The following COL24A1 variants were observed in gnomAD, a reference collection of about 807,000 sequenced individuals.
COL24A1 encodes the protein collagen type XXIV alpha 1 chain.
In COL24A1, 224 loss-of-function variants were observed where a neutral mutation model predicts 253.9. That is an observed-to-expected ratio of 0.88 (90% CI 0.79 to 0.99). The LOEUF (loss-of-function observed/expected upper bound fraction) is 0.99. Among genes scored for constraint, COL24A1 ranks in the 50% least tolerant of loss-of-function variants. The probability of loss-of-function intolerance (pLI) is 0.00; values close to 1 mark genes in which losing one functional copy is unlikely to be tolerated. For missense variants in COL24A1, 2,131 were observed against 2,068.5 expected (o/e 1.03, Z -0.59); for synonymous variants, 685 against 673.7 (o/e 1.02, Z -0.26).
chr1:86,098,508 A>G (rs781290878), intron 5 of COL24A1, among the ~76,000 whole-genome samples: 1 of 152,176 alleles, frequency 6.6e-6, no homozygotes, highest in African/African-American at 2.4e-5. Context: ...TTGAACATAA[A>G]TATCAGCTGC....
intron 43 of COL24A1, among the ~76,000 whole-genome samples, chr1:85,828,340 C>T (rs1054766705): frequency 6.6e-5 from 10 of 151,276 alleles, no homozygotes; most frequent in Non-Finnish European, 1.5e-4. Context: ...GCTTTACTTC[C>T]AAGTATGTGG....
chr1:86,027,536 T>A (rs1698150784), intron 14 of COL24A1, among the ~76,000 whole-genome samples: 1 of 152,150 alleles, frequency 6.6e-6, no homozygotes, highest in South Asian at 2.1e-4. Context: ...ACACATGGTG[T>A]TGAGCCTGCA....
intron 12 of COL24A1, among the ~76,000 whole-genome samples, chr1:86,034,633 C>A (rs544217438): frequency 6.6e-6 from 1 of 151,952 alleles, no homozygotes; most frequent in Non-Finnish European, 1.5e-5. Context: ...ATTAAGGAAA[C>A]GAATAATACA....
intron 53 of COL24A1, among the ~76,000 whole-genome samples, chr1:85,775,086 G>A (rs1239412314): frequency 6.6e-6 from 1 of 152,090 alleles, no homozygotes; most frequent in Non-Finnish European, 1.5e-5. Flanking sequence ...GTTCTCATTG[G>A]TTTCAAAGAA....
intron 47 of COL24A1, among the ~76,000 whole-genome samples, chr1:85,797,015 A>G (rs909697928): frequency 6.6e-6 from 1 of 151,360 alleles, no homozygotes; most frequent in African/African-American, 2.4e-5. Context: ...CCTGGGTAAC[A>G]TGGTGAAACC....
chr1:86,115,524 T>C (rs1025566265), intron 3 of COL24A1, 146 bp from the exon 4 acceptor site: 1 of 697,958 alleles, frequency 1.4e-6, no homozygotes, highest in Admixed American at 2.7e-5. Context: ...ACGAACCCCC[T>C]TACCCTAATC....
intron 8 of COL24A1, among the ~76,000 whole-genome samples, chr1:86,060,765 T>A (rs1394504445): frequency 6.6e-6 from 1 of 152,060 alleles, no homozygotes; most frequent in African/African-American, 2.4e-5. Flanking sequence ...CTGAAGAGAA[T>A]GTGAATAAAC....
intron 12 of COL24A1, among the ~76,000 whole-genome samples, chr1:86,035,779 T>C (rs1326109780): frequency 6.6e-6 from 1 of 152,132 alleles, no homozygotes; most frequent in Non-Finnish European, 1.5e-5. Flanking sequence ...AGGAGTGGGA[T>C]TGCTGAAAAA....
At position 86,142,527 on chromosome 1, in the gene COL24A1, AAAAAAAC is replaced by A. The variant is rs1187004603; in HGVS notation, c.121+3585_121+3591del. ...GACAGAGTGAGACACTGCCTCAAAAAAAAAAACAAAAAACAAAAAACAAAAAAAACAA... is the reference window on the plus strand; with the variant it reads ...GACAGAGTGAGACACTGCCTCAAAAAAAAAAACAAAAAACAAAAAAAACAA... On this transcript the variant is annotated intron_variant, in intron 2 of 59. Transcript: ENST00000370571. Among the ~76,000 whole-genome samples, 16 of 150,706 alleles carry A rather than the reference AAAAAAAC, an allele frequency of 1.1e-4. No homozygotes were observed. The East Asian group carries it at 1.4e-3, about 13-fold the overall frequency.
chr1:86,148,799 G>A (rs1361628174), intron 1 of COL24A1, among the ~76,000 whole-genome samples: 14 of 151,958 alleles, frequency 9.2e-5, no homozygotes, highest in South Asian at 2.1e-4. Flanking sequence ...GAATAACGCC[G>A]CAATAAACAT....
intron 22 of COL24A1, among the ~76,000 whole-genome samples, chr1:85,969,058 C>G (rs1333604903): frequency 6.6e-6 from 1 of 152,034 alleles, no homozygotes; most frequent in East Asian, 1.9e-4. Context: ...CAAATAGCAA[C>G]AACAATAATA....
Position 85,815,766 on chromosome 1 carries a change from T to C in COL24A1, c.3951+1022A>G, listed in dbSNP as rs114599521. Among the ~76,000 whole-genome samples, 940 of 151,940 alleles carry C rather than the reference T, an allele frequency of 6.2e-3. 6 individuals carry two copies. Among genetic ancestry groups the C allele is most frequent in the African/African-American group, 0.022 (892 of 41,428 alleles). ...GGTAACCATATCCAAATAGCAGAAA[T>C]TTAAAAGGGTAAGTTTTACTGTATT... On this transcript the variant is annotated intron_variant, in intron 47 of 59. Transcript: ENST00000370571.
intron 19 of COL24A1, among the ~76,000 whole-genome samples, chr1:85,990,606 T>A (rs967863683): frequency 2.0e-5 from 3 of 152,172 alleles, no homozygotes; most frequent in African/African-American, 7.2e-5. Flanking sequence ...AGCCCAGGTG[T>A]TAGGGGCCCC....
intron 13 of COL24A1, 146 bp from the exon 14 acceptor site, chr1:86,032,068 A>G (rs758344443): frequency 4.1e-5 from 24 of 582,818 alleles, no homozygotes; most frequent in Non-Finnish European, 6.5e-5. Flanking sequence ...CCCCTAATCT[A>G]TGCATCCTCC....
chr1:86,033,539 C>A (rs953451651), intron 13 of COL24A1, among the ~76,000 whole-genome samples: 2 of 152,024 alleles, frequency 1.3e-5, no homozygotes, highest in East Asian at 3.8e-4. Context: ...AAAGAGCAAT[C>A]GCTGAGTGTA....
chr1:85,985,175 T>C (rs1367788427), intron 20 of COL24A1, among the ~76,000 whole-genome samples: 1 of 151,722 alleles, frequency 6.6e-6, no homozygotes, highest in Non-Finnish European at 1.5e-5. Flanking sequence ...ATATTCCAAT[T>C]AGATTTGGGA....
chr1:85,816,777 G>T lies in COL24A1; in HGVS notation c.3951+11C>A, dbSNP rs370768687. 4 of 1,594,698 alleles carry T rather than the reference G, an allele frequency of 2.5e-6. No homozygotes were observed. Among genetic ancestry groups the T allele is most frequent in the African/African-American group, 2.7e-5 (2 of 74,546 alleles). On this transcript the variant is annotated intron_variant, in intron 47 of 59. Transcript: ENST00000370571. The stretch of plus-strand genomic sequence containing the variant: ...GGAAATAATGAGCAAAGAGATATCC[G>T]TACTACTCACAGGAAGTCCCTGTTT...
chr1:85,836,134 C>T (rs1675975850), intron 43 of COL24A1, among the ~76,000 whole-genome samples: 1 of 152,174 alleles, frequency 6.6e-6, no homozygotes, highest in Non-Finnish European at 1.5e-5. Context: ...CCTCATCAAA[C>T]CTAGCATAAA....
At chr1:86,076,475 T>G in intron 7 of COL24A1, among the ~76,000 whole-genome samples, 1 of 152,118 alleles carries the variant, frequency 6.6e-6, no homozygotes, top group Non-Finnish European at 1.5e-5. Context: ...CCCAAGTAAT[T>G]TATAGATTCA....
Sources: gnomAD v4.1 joint callset for allele counts (sites outside exome capture counted in the v4.1 genomes callset) on GRCh38, gnomAD v4.1.1 for gene constraint, MANE v1.5 for transcripts, NCBI Gene and HGNC (gene_info 2026-07-23, HGNC 2026-07-21) for gene names.